The following LIMS1 variants were observed in gnomAD, a reference collection of about 807,000 sequenced individuals.
The protein encoded by LIMS1 is LIM and senescent cell antigen-like-containing domain protein 1.
LIMS1 carries 18 observed loss-of-function variants against 44.1 expected under a neutral mutation model. The ratio of observed to expected loss-of-function variants is 0.41; its 90% CI spans 0.28 to 0.61. LIMS1 has a LOEUF of 0.61. Ranked by LOEUF, LIMS1 falls within the 20% of genes least tolerant of loss-of-function variation. LIMS1 has a pLI of 0.32. For missense variants in LIMS1, 201 were observed against 422.0 expected (o/e 0.48, Z 4.59); for synonymous variants, 93 against 149.1 (o/e 0.62, Z 2.74).
chr2:108,660,869 A>G (rs1416947296), intron 2 of LIMS1, among the ~76,000 whole-genome samples: 1 of 151,144 alleles, frequency 6.6e-6, no homozygotes, highest in Admixed American at 6.6e-5. Context: ...TACTTCTTAC[A>G]TATTTGTACG....
At chr2:108,578,542 T>C (rs963188035) in intron 1 of LIMS1, among the ~76,000 whole-genome samples, 21 of 151,842 alleles carry the variant, frequency 1.4e-4, no homozygotes, top group Admixed American at 1.2e-3. Context: ...ATTTCCGTTA[T>C]CATAAGCTTA....
intron 1 of LIMS1, chr2:108,588,663 A>G: frequency 1.1e-6 from 1 of 926,850 alleles, no homozygotes; most frequent in Non-Finnish European, 1.3e-6. Flanking sequence ...TTTCCTTATG[A>G]CCTACCTTTC....
At chr2:108,547,563 G>A (rs1684522541) in intron 1 of LIMS1, among the ~76,000 whole-genome samples, 1 of 152,150 alleles carries the variant, frequency 6.6e-6, no homozygotes. Context: ...GTTGAGATTT[G>A]TTCTTTGAGT....
At chr2:108,651,087 C>A (rs1193582173) in intron 1 of LIMS1, among the ~76,000 whole-genome samples, 1 of 152,154 alleles carries the variant, frequency 6.6e-6, no homozygotes, top group Non-Finnish European at 1.5e-5. Flanking sequence ...AAGGGCAGCC[C>A]ATCAGTGCTG....
intron 1 of LIMS1, among the ~76,000 whole-genome samples, chr2:108,554,920 A>G (rs1237867189): frequency 6.6e-6 from 1 of 152,170 alleles, no homozygotes; most frequent in African/African-American, 2.4e-5. Context: ...AGACCTACCA[A>G]ATCCGGATCT....
At chr2:108,631,477 A>G (rs1221424360) in intron 1 of LIMS1, among the ~76,000 whole-genome samples, 1 of 151,842 alleles carries the variant, frequency 6.6e-6, no homozygotes, top group Non-Finnish European at 1.5e-5. Flanking sequence ...ATTGTGTTTC[A>G]TTTTAAATAT....
intron 1 of LIMS1, among the ~76,000 whole-genome samples, chr2:108,621,635 A>C (rs1452406408): frequency 6.6e-6 from 1 of 152,220 alleles, no homozygotes; most frequent in African/African-American, 2.4e-5. Context: ...AACTGTGCAA[A>C]ACCAGAATAC....
chr2:108,602,009 A>G (rs976667467), intron 1 of LIMS1, among the ~76,000 whole-genome samples: 2 of 152,052 alleles, frequency 1.3e-5, no homozygotes, highest in Non-Finnish European at 2.9e-5. Flanking sequence ...CATTGTAGAG[A>G]TGTTTCACTT....
rs751137311 is a variant in LIMS1 at position 108,675,859 on chromosome 2, G to A, written c.531-19G>A. ...CTTTTCTCTCTTAGTATTAAGCTGT[G>A]TGTCTTTCTCACGGACAGGAAGGAG... On this transcript the variant is annotated intron_variant, in intron 5 of 9. Transcript: ENST00000544547. 1.2e-6 allele frequency: 2 copies of A among 1,613,954 alleles called. No individual in the cohort carries two copies. Among genetic ancestry groups the A allele is most frequent in the South Asian group, 2.2e-5 (2 of 91,080 alleles).
chr2:108,683,827 TA>T (rs1346386345), intron 9 of LIMS1, 57 bp from the exon 10 acceptor site: 16 of 890,594 alleles, frequency 1.8e-5, no homozygotes, highest in Non-Finnish European at 2.8e-5. Context: ...ATCATTTATA[TA>T]TCTTTGTTGA....
chr2:108,638,395 G>T (rs569920299), intron 1 of LIMS1, among the ~76,000 whole-genome samples: 118 of 152,310 alleles, frequency 7.7e-4, no homozygotes, highest in Non-Finnish European at 1.4e-3. Context: ...CTCTCAAGAT[G>T]TCCAGTTTGA....
chr2:108,682,994 T>A (rs1693103353), intron 9 of LIMS1, among the ~76,000 whole-genome samples: 1 of 152,224 alleles, frequency 6.6e-6, no homozygotes, highest in Non-Finnish European at 1.5e-5. Context: ...CAGGAGGCTA[T>A]CTGAAAAGTT....
intron 1 of LIMS1, among the ~76,000 whole-genome samples, chr2:108,611,854 T>TATATATATAC (rs771325535): frequency 0.012 from 1,449 of 125,230 alleles, 21 homozygotes; most frequent in South Asian, 0.021. Context: ...TATATATATA[T>TATATATATAC]ACACACATAT....
chr2:108,555,376 T>A (rs140319954), intron 1 of LIMS1, among the ~76,000 whole-genome samples: 7 of 152,148 alleles, frequency 4.6e-5, no homozygotes, highest in East Asian at 1.9e-4. Context: ...GAACCTGCAT[T>A]TTTGGTTCTG....
intron 1 of LIMS1, among the ~76,000 whole-genome samples, chr2:108,591,790 T>G (rs1008872450): frequency 7.8e-5 from 7 of 89,592 alleles, no homozygotes; most frequent in East Asian, 3.8e-3. Context: ...ATGTTTTTAG[T>G]TTTTTTTTTT....
chr2:108,597,693 C>CTTTTTTTTT (rs10693112), intron 1 of LIMS1, among the ~76,000 whole-genome samples: 1 of 108,540 alleles, frequency 9.2e-6, no homozygotes, highest in African/African-American at 3.5e-5. Flanking sequence ...AGCAAAAATG[C>CTTTTTTTTT]TTTTTTTTTT....
intron 1 of LIMS1, among the ~76,000 whole-genome samples, chr2:108,635,451 G>A (rs890906970): frequency 3.1e-3 from 232 of 74,886 alleles, no homozygotes; most frequent in African/African-American, 5.2e-3. Flanking sequence ...AAAAAAAAAA[G>A]AATGGTTGTA....
rs565984549 is a variant in LIMS1 at position 108,683,807 on chromosome 2, A to G, written c.900-78A>G. The G allele has an allele frequency of 4.2e-6, 3 of 720,830 alleles. No individual in the cohort carries two copies. In the South Asian group the frequency reaches 6.2e-5, roughly 15 times the overall value. The allele number at this position is 720,830 out of a possible 1,614,324, so 44.7% of individuals were successfully genotyped here. A position where few individuals can be genotyped will look rare whatever the true frequency, so the allele number is the denominator to read the frequency against. ...AGTTGCCTTCGTTTAGTTCAGTACA[A>G]TTACTGCACATCATTTATATATCTT... On this transcript the variant is annotated intron_variant, in intron 9 of 9. Transcript: ENST00000544547.
chr2:108,644,574 C>G (rs560698162), intron 1 of LIMS1, among the ~76,000 whole-genome samples: 1 of 152,066 alleles, frequency 6.6e-6, no homozygotes, highest in East Asian at 1.9e-4. Flanking sequence ...ATTCCAAAAA[C>G]CAGAACACCT....
Sources: allele counts gnomAD v4.1 joint callset (sites outside exome capture counted in the v4.1 genomes callset), GRCh38; gene constraint gnomAD v4.1.1; transcripts MANE v1.5; gene names NCBI Gene and HGNC (gene_info 2026-07-23, HGNC 2026-07-21).